NDUFV3: variants seen among roughly 807,000 people sequenced by gnomAD.
The protein encoded by NDUFV3 is NADH dehydrogenase [ubiquinone] flavoprotein 3, mitochondrial.
A neutral mutation model predicts 37.5 loss-of-function variants in NDUFV3; 44 were observed. The observed-to-expected ratio is 1.17, with a 90% CI of 0.92 to 1.51. The LOEUF is 1.51. Among genes scored for constraint, NDUFV3 ranks in the 40% most tolerant of loss-of-function variants. The probability of loss-of-function intolerance (pLI) is 0.00; values close to 1 mark genes in which losing one functional copy is unlikely to be tolerated. For synonymous variants in NDUFV3, 235 were observed against 239.3 expected, an observed-to-expected ratio of 0.98 and a Z score of 0.17; for missense variants, 580 against 580.4, an observed-to-expected ratio of 1.00 and a Z score of 0.01.
rs1213528187 is a variant in NDUFV3, at chr21:42,909,118, A to AATCGGTT, written c.*98_*104dup. The AATCGGTT allele has an allele frequency of 7.7e-7, 1 of 1,297,844 alleles. No individual in the cohort carries two copies. Among genetic ancestry groups the AATCGGTT allele is most frequent in the Non-Finnish European group, 1.1e-6 (1 of 916,084 alleles). 80.4% of individuals were successfully genotyped at this position (1,297,844 alleles called of 1,614,324 possible). Reference sequence around the variant, plus strand: ...AAGAGTCACAAGGCCCGCTGTGCATAATCGGTTTCACTTTTACCTTTTTTT... The same window carrying AATCGGTT: ...AAGAGTCACAAGGCCCGCTGTGCATAATCGGTTATCGGTTTCACTTTTACCTTTTTTT... On this transcript the variant is annotated 3_prime_UTR_variant, in exon 4 of 4. Coordinates refer to ENST00000354250, the MANE Select transcript of NDUFV3 (RefSeq NM_021075.4).
At chr21:42,893,883 GAGA>G (rs1256420162) in intron 1 of NDUFV3, among the ~76,000 whole-genome samples, 17 of 152,236 alleles carry the variant, frequency 1.1e-4, no homozygotes, top group South Asian at 6.2e-4. Flanking sequence ...CTGTGAAAAG[GAGA>G]AGAAGGGCTT....
At position 42,903,307 on chromosome 21, in the gene NDUFV3, C is replaced by T; in HGVS notation, c.295C>T (p.Pro99Ser). The change falls in exon 3 of 4, where the codon CCC (proline) becomes TCC (serine). Residue 99 changes from proline to serine, a missense_variant. Coordinates refer to ENST00000354250, the MANE Select transcript of NDUFV3 (RefSeq NM_021075.4). ...GAATAAGGGCAGGAAGGTAGCTAGT[C>T]CCAGTCCCAGTGGCAGCGTGCTATT... ...AVNKGRKVAS[P>S]SPSGSVLFTD... 6.2e-7 allele frequency: 1 copy of T among 1,614,168 alleles called. No homozygotes were observed. The highest frequency in any genetic ancestry group is 8.5e-7 in the Non-Finnish European group (1 of 1,180,028).
intron 2 of NDUFV3, 121 bp from the exon 3 acceptor site, chr21:42,903,061 C>T: frequency 1.5e-6 from 2 of 1,363,570 alleles, no homozygotes; most frequent in Non-Finnish European, 2.0e-6. Flanking sequence ...TGGGACCTGT[C>T]TTAGGATGAT....
chr21:42,904,587 C>T (rs374201740), intron 3 of NDUFV3, among the ~76,000 whole-genome samples: 3 of 149,902 alleles, frequency 2.0e-5, no homozygotes, highest in African/African-American at 7.4e-5. Context: ...ATCTCAAGCA[C>T]TTCCCCTGCC....
rs752477972 is a variant in NDUFV3 at position 42,893,338 on chromosome 21, C to T, written c.5C>T (p.Ala2Val). The T allele has an allele frequency of 3.9e-6, 6 of 1,538,382 alleles. No homozygotes were observed. The highest frequency in any genetic ancestry group is 1.4e-5 in the African/African-American group (1 of 73,074). Residue 2 changes from alanine (A) to valine (V), a missense_variant, in exon 1 of 4, where the codon GCT (alanine) becomes GTT (valine). Coordinates refer to ENST00000354250, the MANE Select transcript of NDUFV3 (RefSeq NM_021075.4). ...GGTGCGCCCGCTGTCACCGCCATGG[C>T]TGCCCCGTGTTTGCTGCGGCAAGGA... M[A>V]APCLLRQGRA...
chr21:42,897,295 C>T (rs1003845082), intron 2 of NDUFV3, among the ~76,000 whole-genome samples: 9 of 152,180 alleles, frequency 5.9e-5, no homozygotes, highest in Non-Finnish European at 1.2e-4. Flanking sequence ...AATGCCAAAC[C>T]CCAACCTGAA....
chr21:42,902,398 CA>C (rs1442090720), intron 2 of NDUFV3, among the ~76,000 whole-genome samples: 3 of 152,108 alleles, frequency 2.0e-5, no homozygotes, highest in African/African-American at 7.2e-5. Flanking sequence ...GATATTTTGA[CA>C]AGATGTGCAA....
rs1409864301 is a variant in NDUFV3, at chr21:42,909,168, G to T, written c.*147G>T. On this transcript the variant is annotated 3_prime_UTR_variant, in exon 4 of 4. Transcript: ENST00000354250. ...TTTTTTTTTTTTTTTTTGAGACAGG[G>T]TCTCACTCTGTCACCCAGGCTGGAG... 3.3e-5 allele frequency: 27 copies of T among 813,906 alleles called. No homozygotes were observed. Among genetic ancestry groups the T allele is most frequent in the East Asian group, 2.7e-4 (9 of 33,308 alleles). 50.4% of individuals were successfully genotyped at this position (813,906 alleles called of 1,614,324 possible). A position where few individuals can be genotyped will look rare whatever the true frequency, so the allele number is the denominator to read the frequency against.
At chr21:42,902,379 T>A (rs976943120) in intron 2 of NDUFV3, among the ~76,000 whole-genome samples, 1 of 152,362 alleles carries the variant, frequency 6.6e-6, no homozygotes, top group Admixed American at 6.5e-5. Context: ...TTTCCAAAGT[T>A]AGTTTTGTGA....
chr21:42,902,439 C>T (rs2058721271), intron 2 of NDUFV3, among the ~76,000 whole-genome samples: 1 of 152,122 alleles, frequency 6.6e-6, no homozygotes, highest in Non-Finnish European at 1.5e-5. Flanking sequence ...CTATGTTTCA[C>T]ACCCTAACCC....
intron 3 of NDUFV3, among the ~76,000 whole-genome samples, chr21:42,906,315 C>T (rs139757126): frequency 1.2e-3 from 183 of 152,292 alleles, no homozygotes; most frequent in Admixed American, 1.4e-3. Context: ...AGCGCGGCTC[C>T]GTCCTGTGTC....
chr21:42,903,811 C>G lies in NDUFV3; in HGVS notation c.799C>G (p.Gln267Glu). ...TTTGAAGCAAAGTTTAAAGGAAAAACAATTGCAGAAAACATTTAGATTAAA... is the reference window on the plus strand; with the variant it reads ...TTTGAAGCAAAGTTTAAAGGAAAAAGAATTGCAGAAAACATTTAGATTAAA... Reference protein sequence around the residue: ...EFLKQSLKEKQLQKTFRLNEI... With the variant: ...EFLKQSLKEKELQKTFRLNEI... Residue 267 changes from glutamine (Q) to glutamate (E), a missense_variant, in exon 3 of 4, where the codon CAA becomes GAA. Transcript: ENST00000354250. 1 of 1,614,076 alleles carries G rather than the reference C, an allele frequency of 6.2e-7. No individual in the cohort carries two copies. Among genetic ancestry groups the G allele is most frequent in the Non-Finnish European group, 8.5e-7 (1 of 1,180,016 alleles).
Position 42,903,669 on chromosome 21 carries a change from T to C in NDUFV3, c.657T>C (p.Thr219=). 1.2e-6 allele frequency: 2 copies of C among 1,614,082 alleles called. No homozygotes were observed. Among genetic ancestry groups the C allele is most frequent in the South Asian group, 1.1e-5 (1 of 91,080 alleles). ...TGCAGAAGCCGCATGTGGACATTAC[T>C]GATCCAGAGAAGCCCCACCAGCCAA... The part of the protein sequence containing the change: ...TLLQKPHVDI[T]DPEKPHQPKK... The change falls in exon 3 of 4, where the codon ACT becomes ACC. Residue 219 remains threonine, a synonymous_variant. Transcript: ENST00000354250.
intron 2 of NDUFV3, among the ~76,000 whole-genome samples, chr21:42,897,720 C>A (rs1353115245): frequency 6.6e-5 from 10 of 151,160 alleles, no homozygotes; most frequent in East Asian, 5.9e-4. Context: ...TCTGTTGCCC[C>A]TGCTGGAGTG....
intron 2 of NDUFV3, among the ~76,000 whole-genome samples, chr21:42,900,841 C>A (rs146978801): frequency 0.011 from 1,615 of 152,302 alleles, 38 homozygotes; most frequent in African/African-American, 0.037. Flanking sequence ...TTCCCCAGCA[C>A]ATGCGTTCTC....
intron 3 of NDUFV3, among the ~76,000 whole-genome samples, chr21:42,908,398 T>G (rs1601226543): frequency 6.6e-6 from 1 of 152,368 alleles, no homozygotes; most frequent in Non-Finnish European, 1.5e-5. Flanking sequence ...ATCTTTCTTT[T>G]TCTTTACTGT....
At chr21:42,902,906 C>T (rs1344519549) in intron 2 of NDUFV3, among the ~76,000 whole-genome samples, 1 of 152,134 alleles carries the variant, frequency 6.6e-6, no homozygotes. Flanking sequence ...ACTTATAATA[C>T]CTCATACAAT....
Position 42,909,048 on chromosome 21 carries a change from C to G in NDUFV3, c.*27C>G. The G allele has an allele frequency of 6.2e-7, 1 of 1,609,242 alleles. No individual in the cohort carries two copies. On this transcript the variant is annotated 3_prime_UTR_variant, in exon 4 of 4. Transcript: ENST00000354250. Reference sequence around the variant, plus strand: ...GGCCCTCGGTGTGAAGATGAACCTTCCACCGTCTTCACTGCATCCTGGAGT... The same window carrying G: ...GGCCCTCGGTGTGAAGATGAACCTTGCACCGTCTTCACTGCATCCTGGAGT...
chr21:42,910,001 A>G lies in NDUFV3; in HGVS notation c.*980A>G, dbSNP rs1447144037. The G allele has an allele frequency of 6.6e-6, 1 of 152,176 alleles. No homozygotes were observed. Among genetic ancestry groups the G allele is most frequent in the Non-Finnish European group, 1.5e-5 (1 of 68,064 alleles). 9.4% of individuals were successfully genotyped at this position (152,176 alleles called of 1,614,324 possible). Reference sequence around the variant, plus strand: ...CACCCAGCCAGTAATAGTGACTTCTAATCCTACAGCCCTGGTTTTTGATCA... The same window carrying G: ...CACCCAGCCAGTAATAGTGACTTCTGATCCTACAGCCCTGGTTTTTGATCA... On this transcript the variant is annotated 3_prime_UTR_variant, in exon 4 of 4. Transcript: ENST00000354250.
Sources: gnomAD v4.1 joint callset for allele counts (sites outside exome capture counted in the v4.1 genomes callset) on GRCh38, gnomAD v4.1.1 for gene constraint, MANE v1.5 for transcripts, NCBI Gene and HGNC (gene_info 2026-07-23, HGNC 2026-07-21) for gene names.